Variants in LRRC4C observed in about 807,000 individuals in gnomAD.
The protein encoded by LRRC4C is leucine-rich repeat-containing protein 4C.
A neutral mutation model predicts 33.6 loss-of-function variants in LRRC4C; 5 were observed. The ratio of observed to expected loss-of-function variants is 0.15; its 90% CI spans 0.08 to 0.31. The LOEUF (loss-of-function observed/expected upper bound fraction) is 0.31. Ranked by LOEUF, LRRC4C falls within the 10% of genes least tolerant of loss-of-function variation. The pLI is 1.00. For missense variants in LRRC4C, 560 were observed against 796.7 expected, an observed-to-expected ratio of 0.70 and a Z score of 3.58; for synonymous variants, 329 against 302.0, an observed-to-expected ratio of 1.09 and a Z score of -0.93.
intron 2 of LRRC4C, among the ~76,000 whole-genome samples, chr11:40,768,216 G>T (rs1565036610): frequency 1.3e-5 from 2 of 151,770 alleles, no homozygotes; most frequent in African/African-American, 4.8e-5. Flanking sequence ...GAAAAGCCTA[G>T]AAAAAATGGA....
chr11:41,134,083 C>T lies in LRRC4C; in HGVS notation c.-495-200360G>A, dbSNP rs1225936109. Among the ~76,000 whole-genome samples the T allele has an allele frequency of 3.9e-5, 6 of 152,098 alleles. No homozygotes were observed. The East Asian group carries it at 1.2e-3, about 30-fold the overall frequency. On this transcript the variant is annotated intron_variant, in intron 1 of 6. Coordinates refer to ENST00000528697, the MANE Select transcript of LRRC4C (RefSeq NM_001258419.2). ...AGCTATATTGGCTCAGAATAAATTG[C>T]TTTATTTATTTATTTACTTATTTAC...
At chr11:40,668,822 A>T (rs1266192005) in intron 2 of LRRC4C, among the ~76,000 whole-genome samples, 1 of 152,196 alleles carries the variant, frequency 6.6e-6, no homozygotes, top group Non-Finnish European at 1.5e-5. Flanking sequence ...CCCAAAGCCA[A>T]GGTACTGTGG....
chr11:40,381,527 T>C (rs1481103064), intron 3 of LRRC4C, among the ~76,000 whole-genome samples: 1 of 152,230 alleles, frequency 6.6e-6, no homozygotes, highest in Non-Finnish European at 1.5e-5. Flanking sequence ...GACAATTTTA[T>C]GTCCTAACAA....
intron 1 of LRRC4C, among the ~76,000 whole-genome samples, chr11:41,116,933 C>A (rs1942162496): frequency 6.6e-6 from 1 of 152,274 alleles, no homozygotes; most frequent in African/African-American, 2.4e-5. Context: ...AGGCCATGCC[C>A]TTTGCAATGT....
intron 3 of LRRC4C, among the ~76,000 whole-genome samples, chr11:40,386,737 G>T: frequency 6.6e-6 from 1 of 151,792 alleles, no homozygotes; most frequent in Non-Finnish European, 1.5e-5. Context: ...AACACTTTAG[G>T]CTCTGTCGAG....
At chr11:40,185,170 A>T (rs1344279802) in intron 5 of LRRC4C, among the ~76,000 whole-genome samples, 1 of 152,164 alleles carries the variant, frequency 6.6e-6, no homozygotes, top group African/African-American at 2.4e-5. Context: ...AGCTTTTGGG[A>T]TGTTTCCATT....
chr11:41,173,980 C>T (rs1386405), intron 1 of LRRC4C, among the ~76,000 whole-genome samples: 53,079 of 151,826 alleles, frequency 0.35, 11,147 homozygotes, highest in South Asian at 0.45. Context: ...TTCCCAAATA[C>T]ATATAAATTG....
chr11:41,383,417 G>A (rs920482331), intron 1 of LRRC4C, among the ~76,000 whole-genome samples: 6 of 151,976 alleles, frequency 3.9e-5, no homozygotes, highest in African/African-American at 1.4e-4. Flanking sequence ...AAAAAACTTG[G>A]CCACAATTTT....
At position 40,719,587 on chromosome 11, in the gene LRRC4C, A is replaced by G. The variant is rs570739678; in HGVS notation, c.-406-71309T>C. ...GCTGCTTTTGGATGATGAAAATTCT[A>G]CTACTGAGGATATACCGTGACTGGC... On this transcript the variant is annotated intron_variant, in intron 2 of 6. Transcript: ENST00000528697. Among the ~76,000 whole-genome samples, 6 of 152,310 alleles carry G rather than the reference A, an allele frequency of 3.9e-5. 1 individual carries two copies. In the East Asian group the frequency reaches 1.2e-3, roughly 29 times the overall value.
In LRRC4C at chr11:40,310,133, A is replaced by G. The variant is rs75464687; in HGVS notation, c.-176+9495T>C. Among the ~76,000 whole-genome samples, 619 of 152,250 alleles carry G rather than the reference A, an allele frequency of 4.1e-3. 4 individuals are homozygous for G. The highest frequency in any genetic ancestry group is 0.014 in the African/African-American group (575 of 41,538). ...TTCTCCACTTATTTCCCGCAGCCCT[A>G]TTCTTACTTCATGAATAATCATGAA... On this transcript the variant is annotated intron_variant, in intron 4 of 6. Transcript: ENST00000528697.
chr11:41,346,980 T>C (rs560323982), intron 1 of LRRC4C, among the ~76,000 whole-genome samples: 1 of 152,342 alleles, frequency 6.6e-6, no homozygotes, highest in East Asian at 1.9e-4. Context: ...AAAATGCAGA[T>C]GATTCTATTC....
intron 2 of LRRC4C, among the ~76,000 whole-genome samples, chr11:40,932,868 C>A (rs1957689715): frequency 6.6e-6 from 1 of 152,126 alleles, no homozygotes; most frequent in Non-Finnish European, 1.5e-5. Context: ...TGCGGTCAGA[C>A]AGCATGGCTG....
chr11:40,830,697 C>T (rs935409046), intron 2 of LRRC4C, among the ~76,000 whole-genome samples: 2 of 151,952 alleles, frequency 1.3e-5, no homozygotes, highest in Non-Finnish European at 2.9e-5. Context: ...CCCTTCATGC[C>T]GACGTACACC....
intron 3 of LRRC4C, among the ~76,000 whole-genome samples, chr11:40,336,770 A>G (rs1044416579): frequency 6.6e-6 from 1 of 151,956 alleles, no homozygotes; most frequent in Non-Finnish European, 1.5e-5. Context: ...AGGTCAGGAG[A>G]TCGAGACCAT....
chr11:40,565,548 A>G (rs1462872010), intron 3 of LRRC4C, among the ~76,000 whole-genome samples: 1 of 152,180 alleles, frequency 6.6e-6, no homozygotes, highest in Non-Finnish European at 1.5e-5. Context: ...ATATTCTCAC[A>G]GTGTAATGTA....
At chr11:40,808,892 T>G (rs1951363447) in intron 2 of LRRC4C, among the ~76,000 whole-genome samples, 1 of 152,186 alleles carries the variant, frequency 6.6e-6, no homozygotes, top group Admixed American at 6.6e-5. Context: ...TTTCTTCCTG[T>G]GGGTGTGTCA....
intron 1 of LRRC4C, among the ~76,000 whole-genome samples, chr11:41,449,924 G>C (rs114711810): frequency 0.01 from 1,582 of 152,120 alleles, 23 homozygotes; most frequent in African/African-American, 0.035. Context: ...GAAACTACCT[G>C]GCAAATTTCT....
intron 1 of LRRC4C, among the ~76,000 whole-genome samples, chr11:41,401,830 G>A (rs973041952): frequency 1.3e-5 from 2 of 151,920 alleles, no homozygotes; most frequent in African/African-American, 4.8e-5. Flanking sequence ...TAGAGCCATT[G>A]TAGGTCTTGT....
chr11:41,309,233 A>C (rs1950584436), intron 1 of LRRC4C, among the ~76,000 whole-genome samples: 1 of 152,172 alleles, frequency 6.6e-6, no homozygotes, highest in African/African-American at 2.4e-5. Context: ...GGGGGGTGGG[A>C]GTGCTCTCTG....
Sources: gnomAD v4.1 joint callset for allele counts (sites outside exome capture counted in the v4.1 genomes callset) on GRCh38, gnomAD v4.1.1 for gene constraint, MANE v1.5 for transcripts, NCBI Gene and HGNC (gene_info 2026-07-23, HGNC 2026-07-21) for gene names.